The following RAD51B variants were observed in gnomAD, a reference collection of about 807,000 sequenced individuals.
RAD51B encodes DNA repair protein RAD51 homolog 2.
Under a neutral mutation model 42.2 loss-of-function variants are expected in RAD51B, and 38 were observed. That is an observed-to-expected ratio of 0.90 (90% confidence interval 0.70 to 1.18). The LOEUF (loss-of-function observed/expected upper bound fraction) is 1.18. Ranked by LOEUF, RAD51B falls within the 50% of genes most tolerant of loss-of-function variation. The pLI is 0.00. For synonymous variants in RAD51B, 154 were observed against 145.2 expected, an observed-to-expected ratio of 1.06 and a Z score of -0.43; for missense variants, 373 against 400.7, an observed-to-expected ratio of 0.93 and a Z score of 0.59.
chr14:68,062,605 C>T (rs1468962554), intron 7 of RAD51B, among the ~76,000 whole-genome samples: 1 of 151,602 alleles, frequency 6.6e-6, no homozygotes, highest in Non-Finnish European at 1.5e-5. Context: ...ACCAGCCTGG[C>T]CAATATGGTG....
At chr14:68,329,930 C>T (rs576781895) in intron 8 of RAD51B, among the ~76,000 whole-genome samples, 4 of 146,694 alleles carry the variant, frequency 2.7e-5, no homozygotes, top group Admixed American at 6.9e-5. Flanking sequence ...TGCAGTGAGC[C>T]GAGATCGTGC....
intron 10 of RAD51B, among the ~76,000 whole-genome samples, chr14:68,604,044 G>A (rs757450292): frequency 3.9e-5 from 6 of 152,244 alleles, no homozygotes; most frequent in East Asian, 1.9e-4. Context: ...TTCTTAGCCC[G>A]CCAGGATTGC....
At chr14:67,916,881 AGAG>A (rs1468677276) in intron 7 of RAD51B, among the ~76,000 whole-genome samples, 1 of 152,230 alleles carries the variant, frequency 6.6e-6, no homozygotes, top group African/African-American at 2.4e-5. Context: ...TTCTAATGGT[AGAG>A]GACGGAGGAT....
chr14:68,598,665 G>T (rs1566950265), downstream of RAD51B, among the ~76,000 whole-genome samples: 1 of 152,182 alleles, frequency 6.6e-6, no homozygotes, highest in Non-Finnish European at 1.5e-5. Flanking sequence ...CCAGAGCCTA[G>T]CTGAACAGTT....
intron 7 of RAD51B, among the ~76,000 whole-genome samples, chr14:67,947,738 T>TA (rs1566972994): frequency 6.6e-6 from 1 of 151,998 alleles, no homozygotes; most frequent in Non-Finnish European, 1.5e-5. Flanking sequence ...TATTTGGTCC[T>TA]AAAAAACAAA....
chr14:67,903,276 ACT>A (rs1376620884), intron 7 of RAD51B, among the ~76,000 whole-genome samples: 1 of 151,948 alleles, frequency 6.6e-6, no homozygotes, highest in South Asian at 2.1e-4. Context: ...TCTGAAAAAT[ACT>A]CTCTCTCAAA....
chr14:68,058,224 A>G lies in RAD51B; in HGVS notation c.756+171020A>G, dbSNP rs1207728749. Among the ~76,000 whole-genome samples the G allele has an allele frequency of 2.6e-5, 4 of 152,198 alleles. No individual in the cohort carries two copies. In the East Asian group the frequency reaches 5.8e-4, roughly 22 times the overall value. ...AAGTATAATCTGTTTATTTATTCAC[A>G]ATTGGTTTACCAGTTTCCTGATGTT... On this transcript the variant is annotated intron_variant, in intron 7 of 10. Coordinates refer to ENST00000471583, the MANE Select transcript of RAD51B (RefSeq NM_133510.4).
At chr14:68,468,849 A>G (rs2140234996) in intron 10 of RAD51B, among the ~76,000 whole-genome samples, 1 of 152,230 alleles carries the variant, frequency 6.6e-6, no homozygotes, top group African/African-American at 2.4e-5. Context: ...AGGGTATAGC[A>G]CCCTGAGGCC....
chr14:68,212,659 C>T (rs1175825864), intron 7 of RAD51B, among the ~76,000 whole-genome samples: 1 of 152,178 alleles, frequency 6.6e-6, no homozygotes, highest in Non-Finnish European at 1.5e-5. Flanking sequence ...TGGCACTGGA[C>T]ACTATCCTAA....
intron 7 of RAD51B, among the ~76,000 whole-genome samples, chr14:67,921,308 A>G (rs1342073576): frequency 1.3e-5 from 2 of 152,136 alleles, no homozygotes; most frequent in South Asian, 2.1e-4. Context: ...CCTGGGCTCA[A>G]GTGATCCTCC....
chr14:68,269,157 G>A (rs931989905), intron 7 of RAD51B, among the ~76,000 whole-genome samples: 5 of 152,178 alleles, frequency 3.3e-5, no homozygotes, highest in African/African-American at 9.7e-5. Context: ...TATTTTAAGC[G>A]TGTTACAAAG....
chr14:68,377,757 T>A (rs1338315153), intron 8 of RAD51B, among the ~76,000 whole-genome samples: 2 of 152,232 alleles, frequency 1.3e-5, no homozygotes, highest in Non-Finnish European at 2.9e-5. Context: ...GCCCCGTTTT[T>A]GCTAATAGCC....
rs142192365 is a variant in RAD51B at position 68,086,641 on chromosome 14, G to A, written c.756+199437G>A. Among the ~76,000 whole-genome samples the A allele has an allele frequency of 5.3e-5, 8 of 152,270 alleles. No individual in the cohort carries two copies. The East Asian group carries it at 1.5e-3, about 29-fold the overall frequency. ...GTCAAGGATAGAGGTTGATACGAGA[G>A]TGGAGAAAATGGGGCAACTTGAGAT... On this transcript the variant is annotated intron_variant, in intron 7 of 10. Coordinates refer to ENST00000471583, the MANE Select transcript of RAD51B (RefSeq NM_133510.4).
At chr14:68,211,081 A>G (rs1445856017) in intron 7 of RAD51B, among the ~76,000 whole-genome samples, 1 of 152,050 alleles carries the variant, frequency 6.6e-6, no homozygotes, top group Non-Finnish European at 1.5e-5. Flanking sequence ...GTCTTCCTTG[A>G]TCTTCTCTCT....
At chr14:68,343,926 A>C (rs1367196467) in intron 8 of RAD51B, among the ~76,000 whole-genome samples, 1 of 152,264 alleles carries the variant, frequency 6.6e-6, no homozygotes, top group Admixed American at 6.5e-5. Flanking sequence ...TGTGGTATTA[A>C]GTCTGCAGGT....
intron 7 of RAD51B, among the ~76,000 whole-genome samples, chr14:68,029,064 C>A (rs891955406): frequency 6.6e-6 from 1 of 152,234 alleles, no homozygotes; most frequent in African/African-American, 2.4e-5. Flanking sequence ...TCTTCATTAA[C>A]CCTCTCCCGT....
rs373319167 is a variant in RAD51B, at chr14:67,923,125, G to A, written c.756+35921G>A. On this transcript the variant is annotated intron_variant, in intron 7 of 10. Coordinates refer to ENST00000471583, the MANE Select transcript of RAD51B (RefSeq NM_133510.4). ...TGTAAGTAAGAACATACAACGTTTGGTTTTCCATTCCTGAGTTACTTTGCT... is the reference window on the plus strand; with the variant it reads ...TGTAAGTAAGAACATACAACGTTTGATTTTCCATTCCTGAGTTACTTTGCT... Among the ~76,000 whole-genome samples, 35 of 152,142 alleles carry A rather than the reference G, an allele frequency of 2.3e-4. No individual in the cohort carries two copies. In the South Asian group the frequency reaches 7.1e-3, roughly 31 times the overall value.
intron 7 of RAD51B, among the ~76,000 whole-genome samples, chr14:67,989,250 T>C (rs570401334): frequency 6.0e-4 from 91 of 152,350 alleles, no homozygotes; most frequent in African/African-American, 2.1e-3. Context: ...ATGGACATAA[T>C]ATAGAATTCC....
intron 10 of RAD51B, among the ~76,000 whole-genome samples, chr14:68,498,600 A>G (rs1008801882): frequency 7.2e-5 from 11 of 152,300 alleles, no homozygotes; most frequent in African/African-American, 2.6e-4. Context: ...TGAGCCAGAA[A>G]TAGGAGGAAC....
Sources: gnomAD v4.1 joint callset for allele counts (sites outside exome capture counted in the v4.1 genomes callset) on GRCh38, gnomAD v4.1.1 for gene constraint, MANE v1.5 for transcripts, NCBI Gene and HGNC (gene_info 2026-07-23, HGNC 2026-07-21) for gene names.